Variants in FARS2 observed in about 807,000 individuals in gnomAD.
FARS2 encodes phenylalanyl-tRNA synthetase 2, mitochondrial, also known as phenylalanine--tRNA ligase, mitochondrial.
A neutral mutation model predicts 46.4 loss-of-function variants in FARS2; 40 were observed. The ratio of observed to expected loss-of-function variants is 0.86; its 90% CI spans 0.67 to 1.12. The LOEUF is 1.12. FARS2 is among the 50% of genes most tolerant of loss of function. The pLI, the probability that FARS2 is intolerant of heterozygous loss-of-function variation, is 0.00. For synonymous variants in FARS2, 234 were observed against 214.9 expected (o/e 1.09, Z -0.78); for missense variants, 513 against 567.9 (o/e 0.90, Z 0.98).
chr6:5,732,064 C>G (rs1276051814), intron 6 of FARS2, among the ~76,000 whole-genome samples: 4 of 152,224 alleles, frequency 2.6e-5, no homozygotes, highest in Non-Finnish European at 5.9e-5. Flanking sequence ...GATCCTCATG[C>G]AGGGTTTTGT....
At chr6:5,717,679 A>G (rs537376815) in intron 6 of FARS2, among the ~76,000 whole-genome samples, 29 of 152,078 alleles carry the variant, frequency 1.9e-4, no homozygotes, top group Admixed American at 3.9e-4. Flanking sequence ...AGATTGATCA[A>G]TAGATTCAGG....
chr6:5,499,804 T>A (rs1317466513), intron 4 of FARS2, among the ~76,000 whole-genome samples: 4 of 152,224 alleles, frequency 2.6e-5, no homozygotes, highest in Non-Finnish European at 5.9e-5. Flanking sequence ...CATAAGTCGT[T>A]CTTTTACTTT....
At chr6:5,580,815 G>A (rs925427829) in intron 5 of FARS2, among the ~76,000 whole-genome samples, 2 of 152,154 alleles carry the variant, frequency 1.3e-5, no homozygotes, top group African/African-American at 4.8e-5. Context: ...GTCCACATTG[G>A]ATACTGGTTC....
At chr6:5,408,129 G>C (rs1474507903) in intron 3 of FARS2, among the ~76,000 whole-genome samples, 1 of 152,126 alleles carries the variant, frequency 6.6e-6, no homozygotes, top group African/African-American at 2.4e-5. Context: ...TCACAATATT[G>C]AATAAGCTAG....
At chr6:5,544,147 G>A (rs1770806317) in intron 4 of FARS2, among the ~76,000 whole-genome samples, 1 of 152,106 alleles carries the variant, frequency 6.6e-6, no homozygotes, top group African/African-American at 2.4e-5. Flanking sequence ...CCTGGCTGCT[G>A]GTGCCTCTCT....
intron 1 of FARS2, among the ~76,000 whole-genome samples, chr6:5,361,055 A>G (rs527972904): frequency 5.9e-5 from 9 of 152,350 alleles, no homozygotes; most frequent in Admixed American, 2.0e-4. Flanking sequence ...AATACATAAA[A>G]TAGAAAATAA....
intron 6 of FARS2, among the ~76,000 whole-genome samples, chr6:5,731,473 C>CA (rs1760619784): frequency 2.0e-5 from 3 of 152,210 alleles, no homozygotes; most frequent in African/African-American, 7.2e-5. Context: ...CTTCTGCACT[C>CA]ACGCCCTGGG....
At chr6:5,468,939 A>G (rs1007263130) in intron 4 of FARS2, among the ~76,000 whole-genome samples, 3 of 152,244 alleles carry the variant, frequency 2.0e-5, no homozygotes, top group African/African-American at 7.2e-5. Context: ...ACAGATGTGT[A>G]TATGACTTGG....
chr6:5,461,181 G>A (rs536834346), intron 4 of FARS2, among the ~76,000 whole-genome samples: 64 of 151,982 alleles, frequency 4.2e-4, no homozygotes, highest in African/African-American at 1.5e-3. Flanking sequence ...TGGTACTACC[G>A]GCATGCACCA....
intron 4 of FARS2, among the ~76,000 whole-genome samples, chr6:5,516,636 G>A (rs564993695): frequency 2.5e-4 from 38 of 152,232 alleles, no homozygotes; most frequent in Admixed American, 4.6e-4. Context: ...ACTAGATCAT[G>A]CCTAAGATCC....
At chr6:5,693,011 G>A (rs540339108) in intron 6 of FARS2, among the ~76,000 whole-genome samples, 35 of 152,130 alleles carry the variant, frequency 2.3e-4, no homozygotes, top group Non-Finnish European at 3.1e-4. Flanking sequence ...TCCCCATCCC[G>A]TTGTTTTGTG....
intron 3 of FARS2, among the ~76,000 whole-genome samples, chr6:5,421,229 C>T (rs1335928849): frequency 6.6e-6 from 1 of 152,196 alleles, no homozygotes; most frequent in East Asian, 1.9e-4. Flanking sequence ...AGCCACAGCC[C>T]GAGCTCTACA....
intron 6 of FARS2, among the ~76,000 whole-genome samples, chr6:5,636,819 G>A (rs1458864370): frequency 2.0e-5 from 3 of 152,190 alleles, no homozygotes; most frequent in African/African-American, 7.2e-5. Flanking sequence ...TGTCCCTTGA[G>A]AGCCTCTTCA....
At chr6:5,593,767 TG>T (rs1336048585) in intron 5 of FARS2, among the ~76,000 whole-genome samples, 1 of 152,210 alleles carries the variant, frequency 6.6e-6, no homozygotes, top group Non-Finnish European at 1.5e-5. Context: ...GAATTTTTTA[TG>T]GCATTTCGGG....
intron 4 of FARS2, among the ~76,000 whole-genome samples, chr6:5,456,548 A>T (rs1764879271): frequency 6.6e-6 from 1 of 151,852 alleles, no homozygotes; most frequent in Non-Finnish European, 1.5e-5. Context: ...CCTGGCCAAC[A>T]TGGTGAAACC....
intron 4 of FARS2, among the ~76,000 whole-genome samples, chr6:5,446,795 C>T (rs1462823167): frequency 6.6e-6 from 1 of 152,076 alleles, no homozygotes; most frequent in Non-Finnish European, 1.5e-5. Context: ...TATGGTTACT[C>T]TAGGGGAATG....
intron 6 of FARS2, among the ~76,000 whole-genome samples, chr6:5,650,358 A>G (rs947954034): frequency 4.0e-5 from 6 of 151,892 alleles, no homozygotes; most frequent in Non-Finnish European, 7.4e-5. Context: ...TATGCACAGA[A>G]CAAACAGATG....
chr6:5,532,490 G>A (rs946413254), intron 4 of FARS2, among the ~76,000 whole-genome samples: 11 of 152,166 alleles, frequency 7.2e-5, no homozygotes, highest in Non-Finnish European at 1.6e-4. Flanking sequence ...AGTGGCTCAC[G>A]CCTGTAATCC....
chr6:5,586,555 G>A (rs1307871092), intron 5 of FARS2, among the ~76,000 whole-genome samples: 2 of 152,140 alleles, frequency 1.3e-5, no homozygotes, highest in Admixed American at 6.5e-5. Flanking sequence ...TGATCATGGT[G>A]TATGGTCTTT....
Sources: gnomAD v4.1 joint callset for allele counts (sites outside exome capture counted in the v4.1 genomes callset) on GRCh38, gnomAD v4.1.1 for gene constraint, MANE v1.5 for transcripts, NCBI Gene and HGNC (gene_info 2026-07-23, HGNC 2026-07-21) for gene names.